The following PRKN variants were observed in gnomAD, a reference collection of about 807,000 sequenced individuals.
The protein encoded by PRKN is E3 ubiquitin-protein ligase parkin.
PRKN carries 56 observed loss-of-function variants against 59.5 expected under a neutral mutation model. The ratio of observed to expected loss-of-function variants is 0.94; its 90% CI spans 0.76 to 1.18. PRKN has a LOEUF of 1.18. Among genes scored for constraint, PRKN ranks in the 50% most tolerant of loss-of-function variants. The pLI is 0.00. For synonymous variants in PRKN, 250 were observed against 222.1 expected, an observed-to-expected ratio of 1.13 and a Z score of -1.12; for missense variants, 657 against 596.4, an observed-to-expected ratio of 1.10 and a Z score of -1.06.
chr6:162,301,663 C>G (rs1213031029), intron 2 of PRKN, among the ~76,000 whole-genome samples: 1 of 151,722 alleles, frequency 6.6e-6, no homozygotes. Flanking sequence ...CATGCCAGAC[C>G]TATTACATTA....
chr6:162,107,985 A>G (rs1168118216), intron 4 of PRKN, among the ~76,000 whole-genome samples: 3 of 152,244 alleles, frequency 2.0e-5, no homozygotes, highest in African/African-American at 7.2e-5. Flanking sequence ...TATTATGTCT[A>G]TTTAATATAC....
chr6:162,648,141 C>T (rs1778268926), intron 1 of PRKN, among the ~76,000 whole-genome samples: 1 of 151,970 alleles, frequency 6.6e-6, no homozygotes, highest in Non-Finnish European at 1.5e-5. Flanking sequence ...TATTATATAA[C>T]TCTACTGTAT....
chr6:161,836,364 G>A (rs1439634003), intron 6 of PRKN, among the ~76,000 whole-genome samples: 1 of 152,138 alleles, frequency 6.6e-6, no homozygotes, highest in Non-Finnish European at 1.5e-5. Context: ...CAAGATCCCT[G>A]GCTCTGGATG....
chr6:162,628,999 C>A (rs933300874), intron 1 of PRKN, among the ~76,000 whole-genome samples: 3 of 152,006 alleles, frequency 2.0e-5, no homozygotes, highest in Non-Finnish European at 2.9e-5. Flanking sequence ...GGAATCACTA[C>A]CAAAGACTAA....
intron 6 of PRKN, among the ~76,000 whole-genome samples, chr6:161,824,405 G>A (rs149351260): frequency 1.3e-5 from 2 of 152,262 alleles, no homozygotes; most frequent in Non-Finnish European, 1.5e-5. Flanking sequence ...AATCATGTAC[G>A]CTTTTTGTTT....
chr6:162,072,052 T>A (rs1778598391), intron 4 of PRKN, among the ~76,000 whole-genome samples: 1 of 152,182 alleles, frequency 6.6e-6, no homozygotes. Context: ...ATAATGAGCA[T>A]CTAAAAAGTG....
intron 1 of PRKN, among the ~76,000 whole-genome samples, chr6:162,602,900 T>G (rs994914834): frequency 6.6e-6 from 1 of 152,052 alleles, no homozygotes; most frequent in African/African-American, 2.4e-5. Flanking sequence ...ATGCAGAAAG[T>G]AAGAGGCTGC....
chr6:162,374,598 C>A (rs975733328), intron 2 of PRKN, among the ~76,000 whole-genome samples: 1 of 151,564 alleles, frequency 6.6e-6, no homozygotes, highest in Non-Finnish European at 1.5e-5. Context: ...GTGACCCAAA[C>A]TTTACTGTTG....
At chr6:162,360,745 T>A (rs1175780802) in intron 2 of PRKN, among the ~76,000 whole-genome samples, 1 of 152,176 alleles carries the variant, frequency 6.6e-6, no homozygotes, top group Non-Finnish European at 1.5e-5. Flanking sequence ...ACCTTTCTCA[T>A]TACTTCTATG....
At chr6:162,268,515 A>C (rs1022114273) in intron 2 of PRKN, among the ~76,000 whole-genome samples, 2 of 152,244 alleles carry the variant, frequency 1.3e-5, no homozygotes, top group South Asian at 2.1e-4. Context: ...AAAGAATACA[A>C]GACAACATAC....
At chr6:162,146,323 T>C (rs185148638) in intron 4 of PRKN, among the ~76,000 whole-genome samples, 1 of 152,086 alleles carries the variant, frequency 6.6e-6, no homozygotes, top group Admixed American at 6.5e-5. Flanking sequence ...TTTGCATTTT[T>C]GGGGGTAATA....
intron 6 of PRKN, among the ~76,000 whole-genome samples, chr6:161,833,841 C>T (rs535972070): frequency 6.6e-6 from 1 of 152,070 alleles, no homozygotes; most frequent in Non-Finnish European, 1.5e-5. Flanking sequence ...CCTGAAGGAG[C>T]CTTTCGGTTT....
At chr6:161,558,952 GA>G (rs1407631913) in intron 8 of PRKN, among the ~76,000 whole-genome samples, 2 of 148,870 alleles carry the variant, frequency 1.3e-5, no homozygotes, top group African/African-American at 4.9e-5. Flanking sequence ...CTGATGAAGT[GA>G]ATTGGCTAGA....
chr6:161,662,245 G>C (rs1437074362), intron 7 of PRKN, among the ~76,000 whole-genome samples: 1 of 152,102 alleles, frequency 6.6e-6, no homozygotes, highest in South Asian at 2.1e-4. Flanking sequence ...TTTGCGATGA[G>C]ATTTAGCCTG....
chr6:162,516,559 C>T (rs1777869223), intron 1 of PRKN, among the ~76,000 whole-genome samples: 1 of 152,130 alleles, frequency 6.6e-6, no homozygotes, highest in South Asian at 2.1e-4. Context: ...CAAGACCAGG[C>T]TGGCCAACAT....
intron 1 of PRKN, among the ~76,000 whole-genome samples, chr6:162,538,614 A>G (rs1778807463): frequency 6.6e-6 from 1 of 152,150 alleles, no homozygotes; most frequent in Admixed American, 6.6e-5. Flanking sequence ...ATAGCTGAAA[A>G]TATTAAATCC....
intron 2 of PRKN, among the ~76,000 whole-genome samples, chr6:162,308,355 A>G (rs968968782): frequency 6.6e-6 from 1 of 152,180 alleles, no homozygotes; most frequent in African/African-American, 2.4e-5. Context: ...AATGGGTTGG[A>G]ATAAAAGATT....
chr6:162,197,218 A>G (rs888026678), intron 4 of PRKN, among the ~76,000 whole-genome samples: 1 of 152,196 alleles, frequency 6.6e-6, no homozygotes, highest in Admixed American at 6.5e-5. Context: ...ACACTTGGCA[A>G]AGTTTAGCAC....
intron 7 of PRKN, among the ~76,000 whole-genome samples, chr6:161,774,382 G>GCGCACACACACACACACA (rs71709903): frequency 1.5e-5 from 2 of 130,934 alleles, no homozygotes; most frequent in Non-Finnish European, 3.2e-5. Flanking sequence ...TACTCCCTGA[G>GCGCACACACACACACACA]CACACACACA....
Sources: allele counts gnomAD v4.1 joint callset (sites outside exome capture counted in the v4.1 genomes callset), GRCh38; gene constraint gnomAD v4.1.1; transcripts MANE v1.5; gene names NCBI Gene and HGNC (gene_info 2026-07-23, HGNC 2026-07-21).